GALNTL6: variants seen among roughly 807,000 people sequenced by gnomAD.
GALNTL6 encodes polypeptide N-acetylgalactosaminyltransferase-like 6.
In GALNTL6, 46 loss-of-function variants were observed where a neutral mutation model predicts 73.7. The observed-to-expected ratio is 0.62, with a 90% CI of 0.49 to 0.80. The LOEUF is 0.80. Among genes scored for constraint, GALNTL6 ranks in the 30% least tolerant of loss-of-function variants. The probability of loss-of-function intolerance (pLI) is 0.00; values close to 1 mark genes in which losing one functional copy is unlikely to be tolerated. For synonymous variants in GALNTL6, 259 were observed against 263.7 expected (o/e 0.98, Z 0.17); for missense variants, 604 against 755.0 (o/e 0.80, Z 2.34).
intron 5 of GALNTL6, among the ~76,000 whole-genome samples, chr4:172,391,081 A>G (rs959352316): frequency 6.6e-6 from 1 of 152,234 alleles, no homozygotes; most frequent in African/African-American, 2.4e-5. Flanking sequence ...TCAAATTTCA[A>G]TAAGCTCAAT....
chr4:172,528,952 C>CATATATATATATATATATATATATATAT (rs765904258), intron 5 of GALNTL6, among the ~76,000 whole-genome samples: 1,718 of 23,084 alleles, frequency 0.074, 466 homozygotes, highest in East Asian at 0.16. Context: ...TTCCCAAAGG[C>CATATATATATATATATATATATATATAT]ATATATATAT....
intron 2 of GALNTL6, among the ~76,000 whole-genome samples, chr4:172,041,208 C>A (rs879384994): frequency 6.6e-6 from 1 of 152,018 alleles, no homozygotes; most frequent in East Asian, 1.9e-4. Context: ...AACTTTGACA[C>A]TCACAATAGC....
intron 5 of GALNTL6, among the ~76,000 whole-genome samples, chr4:172,455,667 C>T (rs531816555): frequency 6.9e-4 from 105 of 152,318 alleles, no homozygotes; most frequent in African/African-American, 2.4e-3. Context: ...GATTCCTCCT[C>T]TCTGGGCAGG....
intron 2 of GALNTL6, among the ~76,000 whole-genome samples, chr4:172,162,254 C>T (rs1325614021): frequency 6.6e-6 from 1 of 151,360 alleles, no homozygotes; most frequent in Non-Finnish European, 1.5e-5. Flanking sequence ...GAGAGGATTG[C>T]TTGAGATAAG....
chr4:172,209,298 G>A (rs1736248179), intron 2 of GALNTL6, among the ~76,000 whole-genome samples: 1 of 151,932 alleles, frequency 6.6e-6, no homozygotes, highest in South Asian at 2.1e-4. Flanking sequence ...GTGTATATAG[G>A]TGGTATATAT....
chr4:171,991,755 T>TATATACATATATATATATAC (rs371828556), intron 2 of GALNTL6, among the ~76,000 whole-genome samples: 2 of 140,688 alleles, frequency 1.4e-5, no homozygotes, highest in Admixed American at 1.5e-4. Flanking sequence ...TATATATATA[T>TATATACATATATATATATAC]ACACATATAT....
intron 5 of GALNTL6, among the ~76,000 whole-genome samples, chr4:172,550,309 C>A (rs1735909763): frequency 6.6e-6 from 1 of 152,178 alleles, no homozygotes; most frequent in African/African-American, 2.4e-5. Context: ...CTCATACCCT[C>A]ACCACAAAGG....
intron 5 of GALNTL6, among the ~76,000 whole-genome samples, chr4:172,767,437 G>A (rs1248352915): frequency 6.6e-6 from 1 of 152,070 alleles, no homozygotes; most frequent in Non-Finnish European, 1.5e-5. Context: ...CATTTCAAAT[G>A]CCCAAGCTGT....
intron 5 of GALNTL6, among the ~76,000 whole-genome samples, chr4:172,385,806 A>G (rs1230473601): frequency 6.6e-6 from 1 of 151,820 alleles, no homozygotes; most frequent in Non-Finnish European, 1.5e-5. Context: ...TATTTTTACC[A>G]TGTCTTTTGC....
At chr4:172,595,433 A>G (rs1356462436) in intron 5 of GALNTL6, among the ~76,000 whole-genome samples, 3 of 152,182 alleles carry the variant, frequency 2.0e-5, no homozygotes, top group East Asian at 1.9e-4. Flanking sequence ...AGGCACATGA[A>G]TAGAAGCTAT....
intron 5 of GALNTL6, among the ~76,000 whole-genome samples, chr4:172,628,897 TA>T (rs543776630): frequency 8.1e-5 from 12 of 148,880 alleles, no homozygotes; most frequent in Admixed American, 1.3e-4. Context: ...ATCCTTCATT[TA>T]AAAAAAAAAG....
chr4:172,359,340 T>C (rs902193566), intron 5 of GALNTL6, among the ~76,000 whole-genome samples: 3 of 152,014 alleles, frequency 2.0e-5, no homozygotes, highest in African/African-American at 4.8e-5. Flanking sequence ...TGAGAATACA[T>C]CGGGGCCTAC....
At chr4:172,930,329 A>C (rs1160256358) in intron 8 of GALNTL6, among the ~76,000 whole-genome samples, 2 of 152,158 alleles carry the variant, frequency 1.3e-5, no homozygotes, top group Admixed American at 1.3e-4. Context: ...TACCTAAGAA[A>C]AAGATCAGTG....
At chr4:172,737,854 A>C (rs753335168) in intron 5 of GALNTL6, among the ~76,000 whole-genome samples, 2 of 152,198 alleles carry the variant, frequency 1.3e-5, no homozygotes, top group Non-Finnish European at 2.9e-5. Context: ...CAGCTCTAGT[A>C]AACTGTCAGA....
intron 5 of GALNTL6, among the ~76,000 whole-genome samples, chr4:172,551,111 A>C (rs943175716): frequency 6.6e-6 from 1 of 152,192 alleles, no homozygotes; most frequent in East Asian, 1.9e-4. Flanking sequence ...CATGCTACTG[A>C]TCTATAGCAC....
chr4:172,865,842 C>A (rs1579583697), intron 7 of GALNTL6, among the ~76,000 whole-genome samples: 1 of 152,238 alleles, frequency 6.6e-6, no homozygotes, highest in Middle Eastern at 3.4e-3. Flanking sequence ...TGATTTTATG[C>A]TGATGGCTTT....
At chr4:172,005,504 G>A (rs2110768117) in intron 2 of GALNTL6, among the ~76,000 whole-genome samples, 1 of 152,132 alleles carries the variant, frequency 6.6e-6, no homozygotes, top group African/African-American at 2.4e-5. Context: ...CTACACTACA[G>A]AATGAACTAG....
intron 5 of GALNTL6, among the ~76,000 whole-genome samples, chr4:172,768,506 C>A (rs959908147): frequency 1.3e-5 from 2 of 152,128 alleles, no homozygotes; most frequent in Non-Finnish European, 2.9e-5. Flanking sequence ...AGTACACACT[C>A]AAGAAAGAGG....
At chr4:171,988,692 T>C (rs1018592080) in intron 2 of GALNTL6, among the ~76,000 whole-genome samples, 4 of 151,798 alleles carry the variant, frequency 2.6e-5, no homozygotes, top group African/African-American at 9.7e-5. Context: ...GTAAGGAGAG[T>C]GTATAGGCTT....
Sources: allele counts gnomAD v4.1 joint callset (sites outside exome capture counted in the v4.1 genomes callset), GRCh38; gene constraint gnomAD v4.1.1; transcripts MANE v1.5; gene names NCBI Gene and HGNC (gene_info 2026-07-23, HGNC 2026-07-21).